Variants in NALCN observed in about 807,000 individuals in gnomAD.
The protein encoded by NALCN is sodium leak channel, non-selective.
A neutral mutation model predicts 225.3 loss-of-function variants in NALCN; 111 were observed. The ratio of observed to expected loss-of-function variants is 0.49; its 90% CI spans 0.42 to 0.58. The LOEUF (loss-of-function observed/expected upper bound fraction) is 0.58. NALCN is among the 20% of genes least tolerant of loss of function. The pLI is 0.00. For synonymous variants in NALCN, 764 were observed against 769.0 expected (o/e 0.99, Z 0.11); for missense variants, 1,378 against 2,202.4 (o/e 0.63, Z 7.49).
intron 15 of NALCN, among the ~76,000 whole-genome samples, chr13:101,154,242 T>C (rs2037794491): frequency 1.3e-5 from 2 of 152,218 alleles, no homozygotes; most frequent in African/African-American, 2.4e-5. Context: ...TGAAGTCACA[T>C]AGCTAGAAGT....
In NALCN at chr13:101,065,400, G is replaced by A; in HGVS notation, c.4604+4C>T. The A allele has an allele frequency of 6.2e-7, 1 of 1,614,042 alleles. No homozygotes were observed. On this transcript the variant is annotated splice_donor_region_variant and intron_variant, in intron 40 of 43. Coordinates refer to ENST00000251127, the MANE Select transcript of NALCN (RefSeq NM_052867.4). ...ATTCAGCCCTGCGAAAGCCTGCCTT[G>A]TACCTCAGGACATCATGGAAGGTGA...
intron 7 of NALCN, among the ~76,000 whole-genome samples, chr13:101,319,221 A>G (rs1197328270): frequency 6.6e-6 from 1 of 152,180 alleles, no homozygotes; most frequent in Non-Finnish European, 1.5e-5. Flanking sequence ...TCTGTTGGTC[A>G]CAGGGCTTGT....
chr13:101,072,196 G>A (rs1174080998), intron 37 of NALCN, among the ~76,000 whole-genome samples: 2 of 152,176 alleles, frequency 1.3e-5, no homozygotes, highest in Non-Finnish European at 1.5e-5. Context: ...GAACCAGAAA[G>A]TGAGCAAACA....
intron 3 of NALCN, among the ~76,000 whole-genome samples, chr13:101,386,681 T>G (rs1177583708): frequency 1.3e-5 from 2 of 152,194 alleles, no homozygotes; most frequent in East Asian, 3.9e-4. Flanking sequence ...CTTTGACACG[T>G]TTGTTTTGAA....
At chr13:101,085,303 AT>A (rs1335256322) in intron 30 of NALCN, among the ~76,000 whole-genome samples, 15 of 152,100 alleles carry the variant, frequency 9.9e-5, no homozygotes, top group African/African-American at 3.4e-4. Context: ...CGAGTTTATA[AT>A]TTTTTTCCTT....
chr13:101,256,152 G>A (rs183106410), intron 11 of NALCN, among the ~76,000 whole-genome samples: 21 of 152,214 alleles, frequency 1.4e-4, no homozygotes, highest in Middle Eastern at 3.4e-3. Flanking sequence ...TGACACCCTA[G>A]ATTTTATATT....
At chr13:101,401,089 C>T (rs781195197) in intron 1 of NALCN, among the ~76,000 whole-genome samples, 34 of 152,098 alleles carry the variant, frequency 2.2e-4, no homozygotes, top group Admixed American at 6.6e-4. Context: ...AGTGTGAAAA[C>T]GGACGGATTC....
chr13:101,313,110 G>T (rs575827646), intron 7 of NALCN, among the ~76,000 whole-genome samples: 2 of 152,222 alleles, frequency 1.3e-5, no homozygotes, highest in South Asian at 4.2e-4. Context: ...AAATGGTGCT[G>T]GGAAAACTGG....
At chr13:101,324,511 A>C (rs569676114) in intron 7 of NALCN, among the ~76,000 whole-genome samples, 1 of 152,256 alleles carries the variant, frequency 6.6e-6, no homozygotes. Context: ...TGTAAGTTAG[A>C]TTCCTAGGTA....
At chr13:101,274,046 T>C (rs1184967042) in intron 10 of NALCN, among the ~76,000 whole-genome samples, 1 of 152,134 alleles carries the variant, frequency 6.6e-6, no homozygotes, top group Non-Finnish European at 1.5e-5. Context: ...CAGATGAAGA[T>C]GTAGACAACG....
intron 3 of NALCN, among the ~76,000 whole-genome samples, chr13:101,387,801 A>C (rs746718909): frequency 3.3e-5 from 5 of 152,304 alleles, no homozygotes; most frequent in South Asian, 2.1e-4. Context: ...TTTTATTATG[A>C]TGTAACTTAA....
At chr13:101,296,595 A>G (rs2139071414) in intron 7 of NALCN, among the ~76,000 whole-genome samples, 1 of 152,376 alleles carries the variant, frequency 6.6e-6, no homozygotes, top group East Asian at 1.9e-4. Context: ...CATTTTAATT[A>G]TAGAACTAAA....
chr13:101,283,885 T>A, intron 10 of NALCN, 48 bp downstream of exon 10: 1 of 1,486,852 alleles, frequency 6.7e-7, no homozygotes, highest in Non-Finnish European at 9.1e-7. Context: ...TGAAATAAAA[T>A]TCAAAGACCT....
chr13:101,064,906 G>A (rs986537891), intron 40 of NALCN, among the ~76,000 whole-genome samples: 5 of 152,176 alleles, frequency 3.3e-5, no homozygotes, highest in African/African-American at 7.2e-5. Flanking sequence ...CTGTCTGGGC[G>A]CTCATGAAAT....
intron 15 of NALCN, among the ~76,000 whole-genome samples, chr13:101,175,584 GGT>G (rs1239701210): frequency 6.6e-6 from 1 of 152,008 alleles, no homozygotes; most frequent in Non-Finnish European, 1.5e-5. Context: ...TTTTGGGGAG[GGT>G]GATACAAGAA....
At chr13:101,174,840 C>T (rs2038892317) in intron 15 of NALCN, among the ~76,000 whole-genome samples, 1 of 152,120 alleles carries the variant, frequency 6.6e-6, no homozygotes. Flanking sequence ...AACATACTGT[C>T]TCAGAGGATA....
At chr13:101,109,724 T>A (rs1483162313) in intron 20 of NALCN, among the ~76,000 whole-genome samples, 1 of 152,196 alleles carries the variant, frequency 6.6e-6, no homozygotes, top group Non-Finnish European at 1.5e-5. Context: ...AATCTTTGCA[T>A]GGTATAGCTG....
At chr13:101,339,670 C>T (rs2045493721) in intron 7 of NALCN, among the ~76,000 whole-genome samples, 1 of 152,010 alleles carries the variant, frequency 6.6e-6, no homozygotes, top group African/African-American at 2.4e-5. Context: ...TTGAAAGGCG[C>T]TGAAAGGGAG....
intron 7 of NALCN, among the ~76,000 whole-genome samples, chr13:101,323,994 C>G (rs9585668): frequency 0.035 from 5,372 of 152,196 alleles, 286 homozygotes; most frequent in African/African-American, 0.12. Context: ...ACACCCATCA[C>G]CCAGAAAACC....
Sources: gnomAD v4.1 joint callset for allele counts (sites outside exome capture counted in the v4.1 genomes callset) on GRCh38, gnomAD v4.1.1 for gene constraint, MANE v1.5 for transcripts, NCBI Gene and HGNC (gene_info 2026-07-23, HGNC 2026-07-21) for gene names.